Variants in SNTG1 observed in about 807,000 individuals in gnomAD.
The protein encoded by SNTG1 is gamma-1-syntrophin.
Under a neutral mutation model 74.7 loss-of-function variants are expected in SNTG1, and 39 were observed. The observed-to-expected ratio is 0.52, with a 90% confidence interval of 0.40 to 0.68. SNTG1 has a LOEUF of 0.68. SNTG1 is among the 30% of genes least tolerant of loss of function. The pLI, the probability that SNTG1 is intolerant of heterozygous loss-of-function variation, is 0.00. For missense variants in SNTG1, 685 were observed against 609.5 expected (o/e 1.12, Z -1.30); for synonymous variants, 254 against 217.1 (o/e 1.17, Z -1.49).
At chr8:50,262,995 T>C (rs1002930843) in intron 2 of SNTG1, among the ~76,000 whole-genome samples, 1 of 152,154 alleles carries the variant, frequency 6.6e-6, no homozygotes, top group Non-Finnish European at 1.5e-5. Context: ...ATACTCTGTT[T>C]AATATTAAAA....
intron 1 of SNTG1, among the ~76,000 whole-genome samples, chr8:50,066,069 G>T (rs1820873015): frequency 6.6e-6 from 1 of 152,120 alleles, no homozygotes; most frequent in Non-Finnish European, 1.5e-5. Flanking sequence ...ACAAAAATTA[G>T]CTGGCCATGG....
chr8:50,421,647 C>T (rs1178842469), intron 4 of SNTG1, among the ~76,000 whole-genome samples: 1 of 152,034 alleles, frequency 6.6e-6, no homozygotes, highest in Non-Finnish European at 1.5e-5. Context: ...AACCCTTTTT[C>T]AAGATTGAGT....
At chr8:50,296,394 A>C (rs374745646) in intron 2 of SNTG1, among the ~76,000 whole-genome samples, 3 of 152,222 alleles carry the variant, frequency 2.0e-5, no homozygotes, top group Non-Finnish European at 4.4e-5. Flanking sequence ...CTGTATAAAG[A>C]AAATGTGGCA....
chr8:49,976,752 A>G lies in SNTG1; in HGVS notation c.-103+64521A>G, dbSNP rs532319653. 5.8e-4 allele frequency among the ~76,000 whole-genome samples: 88 copies of G among 152,294 alleles called. 1 individual carries two copies. Among genetic ancestry groups the G allele is most frequent in the Admixed American group, 5.7e-3 (87 of 15,296 alleles). On this transcript the variant is annotated intron_variant, in intron 1 of 18. Transcript: ENST00000642720. ...GAGGAAGCAAGAGAAGGGAGCTCTGAGTCCTGATCATGCAGGATACTGTAA... is the reference window on the plus strand; with the variant it reads ...GAGGAAGCAAGAGAAGGGAGCTCTGGGTCCTGATCATGCAGGATACTGTAA...
At chr8:50,298,507 C>T (rs1260390129) in intron 2 of SNTG1, among the ~76,000 whole-genome samples, 1 of 152,122 alleles carries the variant, frequency 6.6e-6, no homozygotes, top group African/African-American at 2.4e-5. Context: ...AAAAATTTCC[C>T]TCAGCTCTCA....
intron 2 of SNTG1, among the ~76,000 whole-genome samples, chr8:50,320,103 A>G (rs953910443): frequency 2.6e-5 from 4 of 152,112 alleles, no homozygotes; most frequent in African/African-American, 9.7e-5. Flanking sequence ...CGTTCTTTCA[A>G]TGTTTGATAG....
chr8:50,590,468 C>T (rs1441391622), intron 12 of SNTG1, among the ~76,000 whole-genome samples: 1 of 152,038 alleles, frequency 6.6e-6, no homozygotes, highest in Non-Finnish European at 1.5e-5. Flanking sequence ...ATACTTTATC[C>T]TTTAGCGTTT....
intron 9 of SNTG1, among the ~76,000 whole-genome samples, chr8:50,512,312 T>A (rs56695897): frequency 6.6e-6 from 1 of 152,082 alleles, no homozygotes; most frequent in Non-Finnish European, 1.5e-5. Context: ...CTTCCCTTTG[T>A]GGGTAACCCG....
chr8:50,622,722 A>T lies in SNTG1; in HGVS notation c.849+31805A>T, dbSNP rs182320383. Among the ~76,000 whole-genome samples the T allele has an allele frequency of 1.5e-3, 232 of 152,234 alleles. 1 individual carries two copies. The highest frequency in any genetic ancestry group is 5.3e-3 in the African/African-American group (221 of 41,570). On this transcript the variant is annotated intron_variant, in intron 13 of 18. Coordinates refer to ENST00000642720, the MANE Select transcript of SNTG1 (RefSeq NM_018967.5). The stretch of plus-strand genomic sequence containing the variant: ...ACAGATAGTTAATAGTGTATTACAG[A>T]TGAGATTATAATAAAAAAGGTCGGT...
chr8:50,352,943 G>GAC (rs374372959), intron 2 of SNTG1, among the ~76,000 whole-genome samples: 7 of 151,926 alleles, frequency 4.6e-5, no homozygotes, highest in Admixed American at 2.0e-4. Context: ...CTGCTATAGA[G>GAC]ACACACACAC....
At chr8:50,227,102 C>T (rs1445000314) in intron 2 of SNTG1, among the ~76,000 whole-genome samples, 2 of 151,976 alleles carry the variant, frequency 1.3e-5, no homozygotes, top group East Asian at 1.9e-4. Context: ...TACCAATAAC[C>T]GAAGCTGCCA....
chr8:50,032,744 C>G (rs1429925988), intron 1 of SNTG1, among the ~76,000 whole-genome samples: 3 of 152,160 alleles, frequency 2.0e-5, no homozygotes, highest in African/African-American at 7.2e-5. Flanking sequence ...CCTTCACTTC[C>G]AGGAAGCAGA....
chr8:50,730,656 G>A (rs2095510810), intron 17 of SNTG1, among the ~76,000 whole-genome samples: 1 of 152,122 alleles, frequency 6.6e-6, no homozygotes, highest in African/African-American at 2.4e-5. Flanking sequence ...GTCTCAAAAT[G>A]CTATGAATTT....
intron 1 of SNTG1, among the ~76,000 whole-genome samples, chr8:50,148,695 G>T (rs2081959814): frequency 6.6e-6 from 1 of 152,076 alleles, no homozygotes; most frequent in African/African-American, 2.4e-5. Flanking sequence ...ATGATGGTTT[G>T]CAGCTTCATC....
At chr8:50,629,311 G>A (rs2094979554) in intron 13 of SNTG1, among the ~76,000 whole-genome samples, 1 of 151,114 alleles carries the variant, frequency 6.6e-6, no homozygotes, top group South Asian at 2.1e-4. Flanking sequence ...ATATTTTTTT[G>A]TTTTGAAATA....
chr8:50,215,948 T>G (rs2084772055), intron 2 of SNTG1, among the ~76,000 whole-genome samples: 1 of 152,188 alleles, frequency 6.6e-6, no homozygotes, highest in Non-Finnish European at 1.5e-5. Context: ...TATGGTAAAA[T>G]GTATTAACAA....
intron 9 of SNTG1, among the ~76,000 whole-genome samples, chr8:50,513,366 G>A (rs1290255400): frequency 6.6e-6 from 1 of 152,218 alleles, no homozygotes; most frequent in African/African-American, 2.4e-5. Context: ...GGAGGACAGG[G>A]ACCCACTTGA....
At chr8:50,186,589 C>G (rs181235132) in intron 2 of SNTG1, among the ~76,000 whole-genome samples, 1 of 152,208 alleles carries the variant, frequency 6.6e-6, no homozygotes, top group Non-Finnish European at 1.5e-5. Flanking sequence ...GATGGTATCT[C>G]ATTATGGTTT....
At chr8:50,357,053 T>C (rs2091837339) in intron 2 of SNTG1, among the ~76,000 whole-genome samples, 1 of 152,216 alleles carries the variant, frequency 6.6e-6, no homozygotes, top group African/African-American at 2.4e-5. Context: ...ATGAACTTTT[T>C]TTCTCTCCCT....
Sources: gnomAD v4.1 joint callset for allele counts (sites outside exome capture counted in the v4.1 genomes callset) on GRCh38, gnomAD v4.1.1 for gene constraint, MANE v1.5 for transcripts, NCBI Gene and HGNC (gene_info 2026-07-23, HGNC 2026-07-21) for gene names.